DMXL1: variants seen among roughly 807,000 people sequenced by gnomAD.
DMXL1 encodes dmX-like protein 1.
Under a neutral mutation model 319.2 loss-of-function variants are expected in DMXL1, and 99 were observed. That is an observed-to-expected ratio of 0.31 (90% CI 0.26 to 0.37). The LOEUF (loss-of-function observed/expected upper bound fraction) is 0.37, where lower values mean the gene tolerates loss of function less well. DMXL1 is among the 10% of genes least tolerant of loss of function. The probability of loss-of-function intolerance (pLI) is 1.00; values close to 1 mark genes in which losing one functional copy is unlikely to be tolerated. For synonymous variants in DMXL1, 1,385 were observed against 1,235.2 expected (o/e 1.12, Z -2.54); for missense variants, 3,745 against 3,595.6 (o/e 1.04, Z -1.06).
chr5:119,153,041 A>C lies in DMXL1; in HGVS notation c.4702+1005A>C, dbSNP rs750657794. 7.3e-5 allele frequency among the ~76,000 whole-genome samples: 11 copies of C among 150,274 alleles called. No individual in the cohort carries two copies. The South Asian group carries it at 1.5e-3, about 20-fold the overall frequency. On this transcript the variant is annotated intron_variant, in intron 19 of 43. Coordinates refer to ENST00000539542, the MANE Select transcript of DMXL1 (RefSeq NM_001290321.3). ...ACCCAGGCTGGAGTACAGTGGTGTGATTTCCGCACACTGCAACCTCCATTT... is the reference window on the plus strand; with the variant it reads ...ACCCAGGCTGGAGTACAGTGGTGTGCTTTCCGCACACTGCAACCTCCATTT...
At chr5:119,181,883 G>T (rs1250887056) in intron 28 of DMXL1, among the ~76,000 whole-genome samples, 4 of 152,044 alleles carry the variant, frequency 2.6e-5, no homozygotes, top group African/African-American at 9.7e-5. Flanking sequence ...AGAAGCGAAG[G>T]TCCTGTGGAG....
chr5:119,233,552 G>A, intron 39 of DMXL1, 85 bp downstream of exon 39: 1 of 1,103,708 alleles, frequency 9.1e-7, no homozygotes, highest in Non-Finnish European at 1.3e-6. Context: ...GAAAAGAACA[G>A]CTCCGTGGGT....
At position 119,170,658 on chromosome 5, in the gene DMXL1, G is replaced by C. The variant is rs766371491; in HGVS notation, c.5867G>C (p.Ser1956Thr). ...STLSFDWSQPSVVFQDDSLEL... is the reference protein window; with the variant it reads ...STLSFDWSQPTVVFQDDSLEL... ...CTTTCTTTTGACTGGAGCCAACCAA[G>C]TGTTGTGTTTCAGGATGACTCTTTA... Residue 1956 changes from serine (S) to threonine (T), a missense_variant, in exon 24 of 44, where the codon AGT (serine) becomes ACT (threonine). This residue lies in a region of DMXL1 where 1,382 missense variants were observed against 1,269.5 expected (regional missense o/e 1.09). Coordinates refer to ENST00000539542, the MANE Select transcript of DMXL1 (RefSeq NM_001290321.3). 1.9e-6 allele frequency: 3 copies of C among 1,613,624 alleles called. No individual in the cohort carries two copies. In the South Asian group the frequency reaches 3.3e-5, roughly 18 times the overall value.
chr5:119,227,996 A>G (rs908462975), intron 38 of DMXL1, among the ~76,000 whole-genome samples: 1 of 152,238 alleles, frequency 6.6e-6, no homozygotes, highest in African/African-American at 2.4e-5. Context: ...AGAAAAGAAA[A>G]AAGTTTTCTT....
At position 119,134,082 on chromosome 5, in the gene DMXL1, G is replaced by A; in HGVS notation, c.2158G>A (p.Gly720Arg). The change falls in exon 12 of 44, where the codon GGA becomes AGA. Residue 720 changes from glycine (G) to arginine (R), a missense_variant. Physicochemically the swap from Gly to Arg is moderately radical, Grantham distance 125 (BLOSUM62 -2). Around this residue, in one of 4 missense-constraint regions of DMXL1, gnomAD observed 2,096 missense variants for 1,985.4 expected, o/e 1.06. Transcript: ENST00000539542. Reference sequence around the variant, plus strand: ...CCCAGTTGGGCCATTGTCTTTTTCTGGAGGAGTTTCTGAGCTTGCCCGGAT... The same window carrying A: ...CCCAGTTGGGCCATTGTCTTTTTCTAGAGGAGTTTCTGAGCTTGCCCGGAT... ...VDPVGPLSFS[G>R]GVSELARINS... 1.2e-6 allele frequency: 2 copies of A among 1,614,122 alleles called. No individual in the cohort carries two copies. The highest frequency in any genetic ancestry group is 1.7e-6 in the Non-Finnish European group (2 of 1,180,020).
intron 13 of DMXL1, among the ~76,000 whole-genome samples, chr5:119,138,486 T>C (rs988240228): frequency 1.3e-5 from 2 of 152,168 alleles, no homozygotes; most frequent in African/African-American, 4.8e-5. Context: ...GTTGTCAGCA[T>C]ATAAATTTGA....
chr5:119,217,933 A>G (rs576851163), intron 35 of DMXL1, among the ~76,000 whole-genome samples: 8 of 152,044 alleles, frequency 5.3e-5, no homozygotes, highest in Non-Finnish European at 1.2e-4. Context: ...CCGTTGAGCA[A>G]TGACTGGCTA....
intron 28 of DMXL1, among the ~76,000 whole-genome samples, chr5:119,187,798 G>T (rs1053222907): frequency 6.6e-6 from 1 of 152,116 alleles, no homozygotes; most frequent in Non-Finnish European, 1.5e-5. Flanking sequence ...GAGTAGCTGG[G>T]ATTACAGGCA....
At chr5:119,165,303 AAG>A (rs1480663693) in intron 21 of DMXL1, 23 bp downstream of exon 21, 28 of 1,139,136 alleles carry the variant, frequency 2.5e-5, no homozygotes, top group African/African-American at 3.1e-5. Flanking sequence ...AAAAAAAAAA[AAG>A]GGTGCTTCAA....
At chr5:119,206,978 G>A in intron 34 of DMXL1, 82 bp downstream of exon 34, 1 of 809,820 alleles carries the variant, frequency 1.2e-6, no homozygotes, top group Non-Finnish European at 1.9e-6. Flanking sequence ...TTTTAAACTG[G>A]TCTTTGTTTC....
chr5:119,210,539 T>G (rs1025323981), intron 34 of DMXL1, among the ~76,000 whole-genome samples: 1 of 152,164 alleles, frequency 6.6e-6, no homozygotes, highest in Non-Finnish European at 1.5e-5. Context: ...TTGAAAAGAT[T>G]ATCTTTTCTT....
At chr5:119,198,075 G>A in intron 32 of DMXL1, 119 bp downstream of exon 32, 1 of 916,524 alleles carries the variant, frequency 1.1e-6, no homozygotes, top group Admixed American at 2.1e-5. Flanking sequence ...TGCAGCCTCT[G>A]CCTCCTGGGT....
chr5:119,081,829 T>A, intron 1 of DMXL1: 1 of 642,750 alleles, frequency 1.6e-6, no homozygotes, highest in Non-Finnish European at 1.9e-6. Context: ...AAAGAGTTCC[T>A]TTGGAAATAA....
intron 6 of DMXL1, 123 bp downstream of exon 6, chr5:119,114,664 TG>T: frequency 4.1e-6 from 3 of 729,668 alleles, no homozygotes; most frequent in African/African-American, 1.8e-5. Flanking sequence ...CATTAAAAAT[TG>T]TTTTTTTTGT....
At position 119,244,450 on chromosome 5, in the gene DMXL1, T is replaced by C. The variant is rs749528318; in HGVS notation, c.8796T>C (p.Tyr2932=). 8 of 1,614,076 alleles carry C rather than the reference T, an allele frequency of 5.0e-6. No individual in the cohort carries two copies. The East Asian group carries it at 1.3e-4, about 27-fold the overall frequency. ...LISGGRKGFT[Y]VFDLCQRQQR... ...CAGGTGGCAGAAAAGGTTTTACATA[T>C]GTATTTGACCTTTGTCAACGACAAC... Residue 2932 remains tyrosine, a synonymous_variant, in exon 43 of 44, where the codon TAT becomes TAC. Transcript: ENST00000539542.
intron 10 of DMXL1, among the ~76,000 whole-genome samples, chr5:119,130,985 G>A (rs185048208): frequency 1.3e-4 from 20 of 150,912 alleles, no homozygotes; most frequent in Non-Finnish European, 2.5e-4. Flanking sequence ...ATCAACATTG[G>A]ATGTTTTCAT....
chr5:119,169,127 C>T (rs555458832), intron 23 of DMXL1, among the ~76,000 whole-genome samples: 4 of 152,160 alleles, frequency 2.6e-5, no homozygotes, highest in Non-Finnish European at 5.9e-5. Flanking sequence ...TGGTCTTGAA[C>T]TCCTGAGCTC....
At position 119,165,626 on chromosome 5, in the gene DMXL1, G is replaced by A. The variant is rs190017015; in HGVS notation, c.4970+346G>A. ...AAGACTGGGCAATTTACAAAAGAAA[G>A]AGGTTTATTGGACTTACAGTTCCAC... On this transcript the variant is annotated intron_variant, in intron 21 of 43. Coordinates refer to ENST00000539542, the MANE Select transcript of DMXL1 (RefSeq NM_001290321.3). Among the ~76,000 whole-genome samples the A allele has an allele frequency of 3.3e-5, 5 of 152,328 alleles. 1 individual carries two copies. Among genetic ancestry groups the A allele is most frequent in the Admixed American group, 3.3e-4 (5 of 15,296 alleles).
At chr5:119,192,173 A>G (rs1778808557) in intron 29 of DMXL1, among the ~76,000 whole-genome samples, 1 of 152,204 alleles carries the variant, frequency 6.6e-6, no homozygotes, top group Non-Finnish European at 1.5e-5. Flanking sequence ...AAAATCAGAC[A>G]AAACTTTTTC....
Sources: allele counts gnomAD v4.1 joint callset (sites outside exome capture counted in the v4.1 genomes callset), GRCh38; gene constraint gnomAD v4.1.1; regional missense constraint gnomAD v4.1.1; transcripts MANE v1.5; gene names NCBI Gene and HGNC (gene_info 2026-07-23, HGNC 2026-07-21).